Variants in GANC observed in about 807,000 individuals in gnomAD.
GANC encodes the protein neutral alpha-glucosidase C.
GANC carries 117 observed loss-of-function variants against 124.2 expected under a neutral mutation model. That is an observed-to-expected ratio of 0.94 (90% CI 0.81 to 1.10). The LOEUF (loss-of-function observed/expected upper bound fraction) is 1.10, where lower values mean the gene tolerates loss of function less well. Ranked by LOEUF, GANC falls within the 50% of genes least tolerant of loss-of-function variation. The probability of loss-of-function intolerance (pLI) is 0.00; values close to 1 mark genes in which losing one functional copy is unlikely to be tolerated. For missense variants in GANC, 1,140 were observed against 1,095.0 expected, an observed-to-expected ratio of 1.04 and a Z score of -0.58; for synonymous variants, 377 against 376.8, an observed-to-expected ratio of 1.00 and a Z score of -0.01.
At chr15:42,325,866 C>T (rs2052194619) in intron 11 of GANC, among the ~76,000 whole-genome samples, 1 of 152,208 alleles carries the variant, frequency 6.6e-6, no homozygotes. Context: ...AAACAGTCCT[C>T]CTGCCTCAGC....
intron 3 of GANC, among the ~76,000 whole-genome samples, chr15:42,278,847 T>G (rs1315024985): frequency 6.6e-6 from 1 of 151,960 alleles, no homozygotes; most frequent in African/African-American, 2.4e-5. Flanking sequence ...TACAAAAAAT[T>G]ATCCAGGCAC....
chr15:42,330,770 CTTTTTTTTTTT>C, intron 15 of GANC, 98 bp downstream of exon 15: 2 of 359,856 alleles, frequency 5.6e-6, no homozygotes, highest in Non-Finnish European at 9.1e-6. Flanking sequence ...CTTCCTTTTC[CTTTTTTTTTTT>C]TTTTTTTTTT....
chr15:42,329,641 T>A, intron 14 of GANC, 192 bp downstream of exon 14: 1 of 464,562 alleles, frequency 2.2e-6, no homozygotes, highest in South Asian at 5.5e-5. Flanking sequence ...TTCTTTTCTT[T>A]TCATGATGAA....
At chr15:42,299,560 C>T (rs2051925571) in intron 6 of GANC, among the ~76,000 whole-genome samples, 1 of 152,156 alleles carries the variant, frequency 6.6e-6, no homozygotes, top group African/African-American at 2.4e-5. Context: ...AATGCTATTC[C>T]CATCAAACTA....
Position 42,273,536 on chromosome 15 carries a change from GC to G in GANC, c.-942del. The G allele has an allele frequency of 7.0e-7, 1 of 1,422,314 alleles. No homozygotes were observed. Among genetic ancestry groups the G allele is most frequent in the South Asian group, 1.4e-5 (1 of 73,322 alleles). The allele number at this position is 1,422,314 out of a possible 1,614,324, so 88.1% of individuals were successfully genotyped here. On this transcript the variant is annotated 5_prime_UTR_variant, in exon 1 of 24. Coordinates refer to ENST00000318010, the MANE Select transcript of GANC (RefSeq NM_198141.3). ...AGCTTGTTTGCTGTGCGGCGTAGCG[GC>G]CCCTCTCTCAGACAGTCGTCTGTGC... is the stretch of plus-strand genomic sequence containing the variant.
chr15:42,348,005 T>A (rs2052380967), intron 20 of GANC, 98 bp from the exon 21 acceptor site: 1 of 707,404 alleles, frequency 1.4e-6, no homozygotes, highest in African/African-American at 1.9e-5. Flanking sequence ...AATCCGTACT[T>A]GTAGACTGTG....
At position 42,301,656 on chromosome 15, in the gene GANC, A is replaced by G. The variant is rs114302936; in HGVS notation, c.558+4000A>G. 8.8e-3 allele frequency among the ~76,000 whole-genome samples: 1,344 copies of G among 152,230 alleles called. 17 individuals are homozygous for G. Among genetic ancestry groups the G allele is most frequent in the African/African-American group, 0.031 (1,281 of 41,556 alleles). On this transcript the variant is annotated intron_variant, in intron 6 of 23. Coordinates refer to ENST00000318010, the MANE Select transcript of GANC (RefSeq NM_198141.3). ...GTCTGAAGTTGACCTGGGATGCTCA[A>G]TCTTGGTGGGACGAGGGGCATCCGC...
chr15:42,344,845 C>G (rs1056559608), intron 19 of GANC: 1 of 152,214 alleles, frequency 6.6e-6, no homozygotes, highest in Non-Finnish European at 1.5e-5. Context: ...TTAAGAGGAA[C>G]TGGCTCCCTT....
chr15:42,347,943 C>T (rs1256259452), intron 20 of GANC, among the ~76,000 whole-genome samples, 160 bp from the exon 21 acceptor site: 1 of 152,150 alleles, frequency 6.6e-6, no homozygotes, highest in Admixed American at 6.5e-5. Flanking sequence ...CCTTTTAATG[C>T]CAGGACCCCC....
Position 42,310,793 on chromosome 15 carries a change from T to G in GANC, c.1004T>G (p.Leu335Arg). 1 of 1,614,068 alleles carries G rather than the reference T, an allele frequency of 6.2e-7. No homozygotes were observed. The highest frequency in any genetic ancestry group is 1.1e-5 in the South Asian group (1 of 91,066). ...MSESGIIDVF[L>R]LTGPTPSDVF... is the part of the protein sequence containing the mutation. ...GAGAGTGGCATCATTGATGTTTTTC[T>G]GCTGACAGGACCTACACCTTCTGAT... Residue 335 changes from leucine to arginine, a missense_variant, in exon 10 of 24, where the codon CTG becomes CGG. Coordinates refer to ENST00000318010, the MANE Select transcript of GANC (RefSeq NM_198141.3).
rs1357738833 is a variant in GANC, at chr15:42,326,251, G to A, written c.1294-47G>A. 2.2e-6 allele frequency: 3 copies of A among 1,351,282 alleles called. No individual in the cohort carries two copies. In the African/African-American group the frequency reaches 4.3e-5, roughly 19 times the overall value. The allele number at this position is 1,351,282 out of a possible 1,614,324, so 83.7% of individuals were successfully genotyped here. ...GGCGAAAACATATACGTGAACATTT[G>A]TCTTACATAAAACTGATGAGACCTC... is the stretch of plus-strand genomic sequence containing the variant. On this transcript the variant is annotated intron_variant, in intron 11 of 23. Coordinates refer to ENST00000318010, the MANE Select transcript of GANC (RefSeq NM_198141.3).
rs181764962 is a variant in GANC at position 42,304,135 on chromosome 15, C to T, written c.559-2411C>T. Reference sequence around the variant, plus strand: ...ACACTCCTCAGCAAATGGAAAATAACGGAAATCATAACAAACAGTTTTTCA... The same window carrying T: ...ACACTCCTCAGCAAATGGAAAATAATGGAAATCATAACAAACAGTTTTTCA... On this transcript the variant is annotated intron_variant, in intron 6 of 23. Coordinates refer to ENST00000318010, the MANE Select transcript of GANC (RefSeq NM_198141.3). Among the ~76,000 whole-genome samples the T allele has an allele frequency of 1.8e-4, 28 of 152,200 alleles. No homozygotes were observed. In the South Asian group the frequency reaches 2.1e-3, roughly 11 times the overall value.
chr15:42,287,588 C>T, intron 3 of GANC, 103 bp from the exon 4 acceptor site: 1 of 1,260,986 alleles, frequency 7.9e-7, no homozygotes, highest in South Asian at 1.4e-5. Context: ...TTTGCTTGGC[C>T]TATCATAATT....
intron 17 of GANC, among the ~76,000 whole-genome samples, chr15:42,340,125 C>T (rs1024966514): frequency 3.3e-5 from 5 of 152,104 alleles, no homozygotes; most frequent in African/African-American, 1.2e-4. Context: ...TGCTTTGTGA[C>T]TAAAGTATGA....
chr15:42,352,099 C>T lies in GANC; in HGVS notation c.2705C>T (p.Ser902Leu). ...KTSILSLEKL[S>L]LNIATDWEVR... Reference sequence around the variant, plus strand: ...TCCATCCTGAGCCTGGAGAAGCTCTCACTCAACATTGCCACTGACTGGGAG... The same window carrying T: ...TCCATCCTGAGCCTGGAGAAGCTCTTACTCAACATTGCCACTGACTGGGAG... The change falls in exon 24 of 24, where the codon TCA becomes TTA. Residue 902 changes from serine to leucine, a missense_variant. Physicochemically the swap from Ser to Leu is moderately radical, Grantham distance 145. Coordinates refer to ENST00000318010, the MANE Select transcript of GANC (RefSeq NM_198141.3). 1 of 1,614,198 alleles carries T rather than the reference C, an allele frequency of 6.2e-7. No homozygotes were observed. The highest frequency in any genetic ancestry group is 1.1e-5 in the South Asian group (1 of 91,086).
At chr15:42,295,639 GAC>G (rs60220273) in intron 5 of GANC, among the ~76,000 whole-genome samples, 11,267 of 137,476 alleles carry the variant, frequency 0.082, 956 homozygotes, top group African/African-American at 0.2. Context: ...CTTTATTATA[GAC>G]ACACACACAC....
In GANC at chr15:42,274,398, A is replaced by G; in HGVS notation, c.-84A>G. On this transcript the variant is annotated 5_prime_UTR_variant, in exon 1 of 24. Coordinates refer to ENST00000318010, the MANE Select transcript of GANC (RefSeq NM_198141.3). ...GATGAAGTACTGGTTGTAATTTTAG[A>G]AAGACACCCAATCGGCTTTTTTAAA... 1 of 1,435,772 alleles carries G rather than the reference A, an allele frequency of 7.0e-7. No individual in the cohort carries two copies. Among genetic ancestry groups the G allele is most frequent in the South Asian group, 1.2e-5 (1 of 81,116 alleles). 88.9% of individuals were successfully genotyped at this position (1,435,772 alleles called of 1,614,324 possible). A position where few individuals can be genotyped will look rare whatever the true frequency, so the allele number is the denominator to read the frequency against.
At chr15:42,330,983 G>C (rs1158218576) in intron 15 of GANC, among the ~76,000 whole-genome samples, 1 of 151,848 alleles carries the variant, frequency 6.6e-6, no homozygotes, top group Non-Finnish European at 1.5e-5. Flanking sequence ...TTTTTTGGTA[G>C]AGACAGGGTT....
At chr15:42,276,590 T>C (rs2051673928) in intron 2 of GANC, among the ~76,000 whole-genome samples, 180 bp downstream of exon 2, 1 of 152,246 alleles carries the variant, frequency 6.6e-6, no homozygotes, top group South Asian at 2.1e-4. Context: ...AGTATTTAAA[T>C]TTTTCAATAA....
Sources: gnomAD v4.1 joint callset for allele counts (sites outside exome capture counted in the v4.1 genomes callset) on GRCh38, gnomAD v4.1.1 for gene constraint, MANE v1.5 for transcripts, NCBI Gene and HGNC (gene_info 2026-07-23, HGNC 2026-07-21) for gene names.